The following LRRIQ1 variants were observed in gnomAD, a reference collection of about 807,000 sequenced individuals.
The protein encoded by LRRIQ1 is leucine-rich repeat- and IQ domain-containing protein 1.
Under a neutral mutation model 211.9 loss-of-function variants are expected in LRRIQ1, and 210 were observed. The ratio of observed to expected loss-of-function variants is 0.99; its 90% CI spans 0.89 to 1.11. The LOEUF is 1.11. Among genes scored for constraint, LRRIQ1 ranks in the 50% most tolerant of loss-of-function variants. The pLI is 0.00. For synonymous variants in LRRIQ1, 699 were observed against 650.1 expected (o/e 1.08, Z -1.14); for missense variants, 2,136 against 1,939.5 (o/e 1.10, Z -1.90).
rs1299758042 is a variant in LRRIQ1 at position 85,036,594 on chromosome 12, A to T, written c.-25+187A>T. 3.9e-4 allele frequency among the ~76,000 whole-genome samples: 60 copies of T among 152,264 alleles called. 1 individual carries two copies. The highest frequency in any genetic ancestry group is 1.8e-4 in the Non-Finnish European group (12 of 68,014). Reference sequence around the variant, plus strand: ...TCCACCCTGGAGATTTCGAGAACTCATTCAAAACTTAAAGAGATGTCTTGG... The same window carrying T: ...TCCACCCTGGAGATTTCGAGAACTCTTTCAAAACTTAAAGAGATGTCTTGG... On this transcript the variant is annotated intron_variant, in intron 1 of 26. Transcript: ENST00000393217.
intron 9 of LRRIQ1, 104 bp downstream of exon 9, chr12:85,065,518 A>T: frequency 1.1e-6 from 1 of 918,730 alleles, no homozygotes; most frequent in Non-Finnish European, 1.5e-6. Context: ...TACTAAACTA[A>T]CCTGTAACTC....
At chr12:85,123,924 A>G (rs918880641) in intron 16 of LRRIQ1, 146 bp from the exon 17 acceptor site, 18 of 610,790 alleles carry the variant, frequency 2.9e-5, no homozygotes, top group Middle Eastern at 8.8e-4. Flanking sequence ...ATTTTTATAT[A>G]AACAACTAGA....
intron 11 of LRRIQ1, among the ~76,000 whole-genome samples, chr12:85,093,381 A>T (rs929166195): frequency 1.3e-5 from 2 of 152,188 alleles, no homozygotes; most frequent in East Asian, 3.9e-4. Context: ...ACTTGAAATT[A>T]ATGTTTTGCA....
chr12:85,046,086 G>T lies in LRRIQ1; in HGVS notation c.403G>T (p.Val135Phe), dbSNP rs149503974. The T allele has an allele frequency of 1.9e-6, 3 of 1,611,676 alleles. No homozygotes were observed. Among genetic ancestry groups the T allele is most frequent in the Non-Finnish European group, 2.5e-6 (3 of 1,178,548 alleles). The change falls in exon 5 of 27, where the codon GTT becomes TTT. Residue 135 changes from valine (V) to phenylalanine (F), a missense_variant. By Grantham distance (50) the Val-to-Phe change is conservative (BLOSUM62 -1). Coordinates refer to ENST00000393217, the MANE Select transcript of LRRIQ1 (RefSeq NM_001079910.2). ...SKTDCATPDF[V>F]PEPSPHDLPM... ...AACCGATTGTGCCACTCCTGATTTT[G>T]TTCCTGAGCCTAGTCCTCATGACTT...
intron 23 of LRRIQ1, 29 bp downstream of exon 23, chr12:85,154,123 A>G (rs759369855): frequency 4.0e-6 from 5 of 1,247,364 alleles, no homozygotes; most frequent in Non-Finnish European, 5.5e-6. Flanking sequence ...TTGAATAATA[A>G]CTGTGTATGG....
At position 85,221,846 on chromosome 12, in the gene LRRIQ1, A is replaced by G. The variant is rs1019622876; in HGVS notation, c.4823-7671A>G. ...GAGAACCAGGAATTTAACCTATGAGATGGCACAATTAGATTTGTACTTTAG... is the reference window on the plus strand; with the variant it reads ...GAGAACCAGGAATTTAACCTATGAGGTGGCACAATTAGATTTGTACTTTAG... On this transcript the variant is annotated intron_variant, in intron 24 of 26. Transcript: ENST00000393217. Among the ~76,000 whole-genome samples the G allele has an allele frequency of 2.6e-5, 4 of 152,216 alleles. No individual in the cohort carries two copies. In the South Asian group the frequency reaches 6.2e-4, roughly 24 times the overall value.
chr12:85,248,108 C>G (rs1895785418), downstream of LRRIQ1, among the ~76,000 whole-genome samples: 1 of 151,546 alleles, frequency 6.6e-6, no homozygotes, highest in African/African-American at 2.4e-5. Flanking sequence ...TCAATTTCCT[C>G]ATTTAATGCT....
Sources: gnomAD v4.1 joint callset for allele counts (sites outside exome capture counted in the v4.1 genomes callset) on GRCh38, gnomAD v4.1.1 for gene constraint, MANE v1.5 for transcripts, NCBI Gene and HGNC (gene_info 2026-07-23, HGNC 2026-07-21) for gene names.